The following SMCHD1 variants were observed in gnomAD, a reference collection of about 807,000 sequenced individuals.
The protein encoded by SMCHD1 is structural maintenance of chromosomes flexible hinge domain containing 1.
A neutral mutation model predicts 254.7 loss-of-function variants in SMCHD1; 78 were observed. The ratio of observed to expected loss-of-function variants is 0.31; its 90% confidence interval spans 0.26 to 0.37. The LOEUF (loss-of-function observed/expected upper bound fraction) is 0.37. Among genes scored for constraint, SMCHD1 ranks in the 10% least tolerant of loss-of-function variants. SMCHD1 has a pLI of 1.00. For synonymous variants in SMCHD1, 766 were observed against 794.9 expected, an observed-to-expected ratio of 0.96 and a Z score of 0.61; for missense variants, 1,840 against 2,408.1, an observed-to-expected ratio of 0.76 and a Z score of 4.94.
chr18:2,697,001 A>T, intron 8 of SMCHD1, 31 bp from the exon 9 acceptor site: 1 of 992,118 alleles, frequency 1.0e-6, no homozygotes, highest in Non-Finnish European at 1.5e-6. Flanking sequence ...TATGTGAATT[A>T]AAAGTATAAA....
At chr18:2,792,348 A>G (rs1297981560) in intron 45 of SMCHD1, among the ~76,000 whole-genome samples, 2 of 152,228 alleles carry the variant, frequency 1.3e-5, no homozygotes, top group African/African-American at 2.4e-5. Flanking sequence ...TCTTGGAGCA[A>G]TGGGCTATAC....
chr18:2,745,199 A>C (rs2075429116), intron 29 of SMCHD1, among the ~76,000 whole-genome samples: 1 of 152,216 alleles, frequency 6.6e-6, no homozygotes, highest in Non-Finnish European at 1.5e-5. Flanking sequence ...ATTTATTTTT[A>C]ATAGAGACTG....
rs766226383 is a variant in SMCHD1, at chr18:2,743,896, C to T, written c.3769C>T (p.Leu1257Phe). The change falls in exon 29 of 48, where the codon CTT (leucine) becomes TTT (phenylalanine). Residue 1257 changes from leucine to phenylalanine, a missense_variant. Physicochemically the swap from Leu to Phe is conservative, Grantham distance 22. This residue lies in a region of SMCHD1 where 881 missense variants were observed against 1,009.5 expected (regional missense o/e 0.87). Coordinates refer to ENST00000320876, the MANE Select transcript of SMCHD1 (RefSeq NM_015295.3). ...VQLISGPPAKLLLIDWPELKE... is the reference protein window; with the variant it reads ...VQLISGPPAKFLLIDWPELKE... Reference sequence around the variant, plus strand: ...ACTAATTTCTGGACCTCCTGCTAAACTTCTCCTTATAGACTGGCCAGAACT... The same window carrying T: ...ACTAATTTCTGGACCTCCTGCTAAATTTCTCCTTATAGACTGGCCAGAACT... 75 of 1,612,924 alleles carry T rather than the reference C, an allele frequency of 4.6e-5. No individual in the cohort carries two copies. Among genetic ancestry groups the T allele is most frequent in the Non-Finnish European group, 5.9e-5 (70 of 1,179,466 alleles).
Position 2,656,148 on chromosome 18 carries a change from C to T in SMCHD1, c.73C>T (p.His25Tyr). The change falls in exon 1 of 48, where the codon CAC becomes TAC. Residue 25 changes from histidine to tyrosine, a missense_variant. By Grantham distance (83) the His-to-Tyr change is moderately conservative. This residue lies in a region of SMCHD1 where 115 missense variants were observed against 99.1 expected (regional missense o/e 1.16). Transcript: ENST00000320876. ...TGAGGAGGATGGCGGAGGCGTCGGC[C>T]ACAGGACGGTGTACTTGTTTGATCG... The part of the protein sequence containing the change: ...GTEEDGGGVG[H>Y]RTVYLFDRRE... 6.6e-7 allele frequency: 1 copy of T among 1,509,280 alleles called. No homozygotes were observed. The highest frequency in any genetic ancestry group is 8.8e-7 in the Non-Finnish European group (1 of 1,132,042). The allele number at this position is 1,509,280 out of a possible 1,614,324, so 93.5% of individuals were successfully genotyped here.
At chr18:2,696,233 G>A (rs1381924421) in intron 8 of SMCHD1, among the ~76,000 whole-genome samples, 2 of 152,250 alleles carry the variant, frequency 1.3e-5, no homozygotes, top group East Asian at 3.9e-4. Context: ...TGCTATAGGA[G>A]AGGAGAGATG....
chr18:2,728,632 T>C, intron 23 of SMCHD1, 36 bp downstream of exon 23: 1 of 1,594,780 alleles, frequency 6.3e-7, no homozygotes, highest in Non-Finnish European at 8.5e-7. Context: ...TTGAGTCCCA[T>C]TGTAGTAAGT....
chr18:2,706,522 T>A (rs2074518132), intron 15 of SMCHD1, 52 bp downstream of exon 15: 2 of 1,279,228 alleles, frequency 1.6e-6, no homozygotes. Context: ...TGGAAAGAAT[T>A]GTGCTGTAAG....
At chr18:2,788,627 CAG>C (rs1353406178) in intron 45 of SMCHD1, among the ~76,000 whole-genome samples, 28 of 151,896 alleles carry the variant, frequency 1.8e-4, no homozygotes, top group African/African-American at 6.8e-4. Flanking sequence ...CTTTTTGAGA[CAG>C]AGTCTCGCTC....
At chr18:2,791,454 T>C (rs1373098944) in intron 45 of SMCHD1, among the ~76,000 whole-genome samples, 1 of 152,188 alleles carries the variant, frequency 6.6e-6, no homozygotes, top group Non-Finnish European at 1.5e-5. Flanking sequence ...CTCGCTCCTT[T>C]AGTCCCACTT....
chr18:2,750,245 A>G, intron 31 of SMCHD1, 105 bp from the exon 32 acceptor site: 1 of 1,399,580 alleles, frequency 7.1e-7, no homozygotes, highest in Non-Finnish European at 9.7e-7. Context: ...GACTGAATAG[A>G]AGTTGAGAGG....
intron 5 of SMCHD1, among the ~76,000 whole-genome samples, chr18:2,675,053 G>A (rs187753545): frequency 6.6e-5 from 10 of 152,196 alleles, no homozygotes; most frequent in African/African-American, 2.2e-4. Flanking sequence ...CTTACTAATC[G>A]TGTGACATTG....
intron 44 of SMCHD1, among the ~76,000 whole-genome samples, chr18:2,783,588 T>TG (rs1292825529): frequency 6.6e-6 from 1 of 152,164 alleles, no homozygotes; most frequent in African/African-American, 2.4e-5. Context: ...TTCTTTTTTT[T>TG]TTTCTGAGAC....
At chr18:2,748,384 A>AAATTTTTTTTTTTTTTTTTTTGTGTG (rs2075504984) in intron 30 of SMCHD1, among the ~76,000 whole-genome samples, 1 of 68,288 alleles carries the variant, frequency 1.5e-5, no homozygotes, top group African/African-American at 7.0e-5. Flanking sequence ...GTGTGTGTGT[A>AAATTTTTTTTTTTTTTTTTTTGTGTG]TATAAATTTT....
rs1447672806 is a variant in SMCHD1, at chr18:2,747,746, A to G, written c.3927+99A>G. ...ATATTGCTTCTTTTCTAAAAAATATATTTTACATAATCTTTATTATTGCTT... is the reference window on the plus strand; with the variant it reads ...ATATTGCTTCTTTTCTAAAAAATATGTTTTACATAATCTTTATTATTGCTT... On this transcript the variant is annotated intron_variant, in intron 30 of 47. Transcript: ENST00000320876. The G allele has an allele frequency of 3.0e-6, 3 of 1,002,398 alleles. No homozygotes were observed. The African/African-American group carries it at 4.9e-5, about 16-fold the overall frequency. 62.1% of individuals were successfully genotyped at this position (1,002,398 alleles called of 1,614,324 possible). A position where few individuals can be genotyped will look rare whatever the true frequency, so the allele number is the denominator to read the frequency against.
chr18:2,722,554 G>T lies in SMCHD1; in HGVS notation c.2494G>T (p.Asp832Tyr), dbSNP rs369540735. 2 of 1,613,012 alleles carry T rather than the reference G, an allele frequency of 1.2e-6. No homozygotes were observed. The highest frequency in any genetic ancestry group is 2.7e-5 in the African/African-American group (2 of 74,858). ...AGAGAAATTTTCATTTGGTCTTCTG[G>T]ATCTTCCTTTTCGTGTTGGAGTTCC... ...KPEKFSFGLL[D>Y]LPFRVGVPFN... The change falls in exon 20 of 48, where the codon GAT (aspartate) becomes TAT (tyrosine). Residue 832 changes from aspartate to tyrosine, a missense_variant. By Grantham distance (160) the Asp-to-Tyr change is radical. Coordinates refer to ENST00000320876, the MANE Select transcript of SMCHD1 (RefSeq NM_015295.3).
chr18:2,669,239 G>C (rs2073528461), intron 3 of SMCHD1, among the ~76,000 whole-genome samples: 1 of 152,096 alleles, frequency 6.6e-6, no homozygotes, highest in Non-Finnish European at 1.5e-5. Flanking sequence ...AGCTACTTGG[G>C]AGGCAGAGGC....
chr18:2,748,415 CAG>C (rs1347693229), intron 30 of SMCHD1, among the ~76,000 whole-genome samples: 37 of 5,778 alleles, frequency 6.4e-3, no homozygotes, highest in South Asian at 0.011. Context: ...TTTTTGGAGA[CAG>C]AGTCTCGCTG....
At chr18:2,750,165 C>T (rs1222163993) in intron 31 of SMCHD1, 43 bp downstream of exon 31, 8 of 1,533,200 alleles carry the variant, frequency 5.2e-6, no homozygotes, top group South Asian at 2.4e-5. Flanking sequence ...TATAGAGATT[C>T]GTTTTTCTTA....
intron 39 of SMCHD1, among the ~76,000 whole-genome samples, chr18:2,770,457 A>T (rs957731261): frequency 6.6e-6 from 1 of 152,146 alleles, no homozygotes; most frequent in Non-Finnish European, 1.5e-5. Context: ...TGTGTAATGT[A>T]ATTTTTCATT....
Sources: gnomAD v4.1 joint callset for allele counts (sites outside exome capture counted in the v4.1 genomes callset) on GRCh38, gnomAD v4.1.1 for gene constraint, gnomAD v4.1.1 regional missense constraint, MANE v1.5 for transcripts, NCBI Gene and HGNC (gene_info 2026-07-23, HGNC 2026-07-21) for gene names.